IFT140: variants seen among roughly 807,000 people sequenced by gnomAD.
The protein encoded by IFT140 is intraflagellar transport 140, also known as intraflagellar transport protein 140 homolog.
In IFT140, 133 loss-of-function variants were observed where a neutral mutation model predicts 164.6. The ratio of observed to expected loss-of-function variants is 0.81; its 90% CI spans 0.70 to 0.93. IFT140 has a LOEUF of 0.93. Ranked by LOEUF, IFT140 falls within the 40% of genes least tolerant of loss-of-function variation. IFT140 has a pLI of 0.00. For synonymous variants in IFT140, 860 were observed against 817.3 expected (o/e 1.05, Z -0.89); for missense variants, 2,045 against 1,972.3 (o/e 1.04, Z -0.70).
intron 2 of IFT140, 103 bp downstream of exon 2, chr16:1,610,561 A>C (rs1223784874): frequency 6.6e-6 from 1 of 152,338 alleles, no homozygotes; most frequent in Non-Finnish European, 1.5e-5. Flanking sequence ...GTGGGAGGAG[A>C]CGGGAGGGTC....
chr16:1,558,726 G>A lies in IFT140; in HGVS notation c.2200-592C>T, dbSNP rs916177720. On this transcript the variant is annotated intron_variant, in intron 18 of 30. Transcript: ENST00000426508. ...CCTCCGTGGGGCAGGGGCTCTGCAC[G>A]CGCTCTCTGGGCTCTAGCCCTGCCC... Among the ~76,000 whole-genome samples, 6 of 152,342 alleles carry A rather than the reference G, an allele frequency of 3.9e-5. No homozygotes were observed. The East Asian group carries it at 7.7e-4, about 20-fold the overall frequency.
chr16:1,522,186 G>A (rs1170077458), intron 26 of IFT140, among the ~76,000 whole-genome samples: 2 of 151,278 alleles, frequency 1.3e-5, no homozygotes, highest in Non-Finnish European at 3.0e-5. Context: ...GTGAAACCTC[G>A]TCTCTACTAA....
chr16:1,592,910 G>C (rs1233483372), intron 4 of IFT140, among the ~76,000 whole-genome samples: 3 of 151,568 alleles, frequency 2.0e-5, no homozygotes, highest in African/African-American at 7.3e-5. Flanking sequence ...TGCCCTGGCA[G>C]AGTGACTGGT....
At chr16:1,530,123 C>T (rs965847018) in intron 19 of IFT140, among the ~76,000 whole-genome samples, 4 of 135,268 alleles carry the variant, frequency 3.0e-5, no homozygotes, top group Non-Finnish European at 4.6e-5. Flanking sequence ...AAAGACTTCA[C>T]GACGGGAATC....
intron 26 of IFT140, among the ~76,000 whole-genome samples, chr16:1,522,785 C>G (rs2040561782): frequency 6.6e-6 from 1 of 152,142 alleles, no homozygotes; most frequent in South Asian, 2.1e-4. Context: ...TTGCAGTGAG[C>G]CGAGATTGCG....
At chr16:1,611,777 G>A (rs1261720198) in intron 1 of IFT140, among the ~76,000 whole-genome samples, 191 bp downstream of exon 1, 1 of 148,930 alleles carries the variant, frequency 6.7e-6, no homozygotes, top group African/African-American at 2.5e-5. Context: ...TTGCGCCACT[G>A]CACTCCAGCC....
intron 10 of IFT140, among the ~76,000 whole-genome samples, chr16:1,585,560 T>C (rs1369267876): frequency 1.3e-5 from 2 of 152,162 alleles, no homozygotes; most frequent in Non-Finnish European, 2.9e-5. Flanking sequence ...AGTAAAGCTC[T>C]TTTTCATACA....
At chr16:1,522,579 G>A (rs1391760343) in intron 26 of IFT140, among the ~76,000 whole-genome samples, 4 of 151,878 alleles carry the variant, frequency 2.6e-5, no homozygotes, top group East Asian at 1.9e-4. Flanking sequence ...GGTGGCTCAC[G>A]CCTGTAATCC....
At chr16:1,534,978 G>A (rs2030918421) in intron 19 of IFT140, among the ~76,000 whole-genome samples, 1 of 152,172 alleles carries the variant, frequency 6.6e-6, no homozygotes, top group Admixed American at 6.5e-5. Flanking sequence ...GCTGAGGCGG[G>A]AGGACTGCTT....
chr16:1,576,078 A>G (rs12443870), intron 13 of IFT140, among the ~76,000 whole-genome samples: 28,586 of 151,672 alleles, frequency 0.19, 3,453 homozygotes, highest in African/African-American at 0.33. Flanking sequence ...CTGAGGTCAG[A>G]AGTTTGAGAC....
Position 1,571,182 on chromosome 16 carries a change from C to T in IFT140, c.1652+225G>A, listed in dbSNP as rs151038826. 6.0e-4 allele frequency among the ~76,000 whole-genome samples: 91 copies of T among 152,326 alleles called. 1 individual carries two copies. Among genetic ancestry groups the T allele is most frequent in the South Asian group, 2.3e-3 (11 of 4,828 alleles). On this transcript the variant is annotated intron_variant, in intron 14 of 30. Coordinates refer to ENST00000426508, the MANE Select transcript of IFT140 (RefSeq NM_014714.4). ...AGAAGCTTCCCCACCCTCACCACTCCCTGTGCTTCAACTATTCAAGCCTCC... is the reference window on the plus strand; with the variant it reads ...AGAAGCTTCCCCACCCTCACCACTCTCTGTGCTTCAACTATTCAAGCCTCC...
intron 19 of IFT140, chr16:1,534,181 T>C (rs1248514164): frequency 2.0e-6 from 3 of 1,526,270 alleles, no homozygotes; most frequent in African/African-American, 1.4e-5. Flanking sequence ...GGTGATGTCC[T>C]CTAGCCACCC....
intron 3 of IFT140, among the ~76,000 whole-genome samples, chr16:1,604,134 A>G (rs991200869): frequency 1.3e-5 from 2 of 152,246 alleles, no homozygotes; most frequent in Non-Finnish European, 2.9e-5. Context: ...ATCTACCCAA[A>G]AAAATGGGCA....
chr16:1,585,992 C>T (rs1023750642), intron 10 of IFT140, 138 bp downstream of exon 10: 23 of 968,670 alleles, frequency 2.4e-5, no homozygotes, highest in Non-Finnish European at 3.1e-5. Flanking sequence ...AGGATGGTCT[C>T]GATCTCCTGA....
intron 22 of IFT140, 78 bp from the exon 23 acceptor site, chr16:1,524,994 C>A: frequency 6.5e-7 from 1 of 1,526,918 alleles, no homozygotes; most frequent in Non-Finnish European, 8.8e-7. Context: ...CGCCCCTGTG[C>A]CACCCTTAGA....
intron 6 of IFT140, among the ~76,000 whole-genome samples, chr16:1,590,885 C>T (rs1440327866): frequency 1.3e-5 from 2 of 152,158 alleles, no homozygotes; most frequent in Non-Finnish European, 2.9e-5. Flanking sequence ...CCCAACCAGG[C>T]CTCCCAGGTG....
chr16:1,568,275 C>T lies in IFT140; in HGVS notation c.1712G>A (p.Gly571Asp), dbSNP rs749412369. ...SLAELVPGVG[G>D]IASLRCSSSG... ...GCTGCTGCACCGCAGAGAAGCGATGCCCCCCACCCCAGGGACCAGCTCCGC... is the reference window on the plus strand; with the variant it reads ...GCTGCTGCACCGCAGAGAAGCGATGTCCCCCACCCCAGGGACCAGCTCCGC... Residue 571 changes from glycine (G) to aspartate (D), a missense_variant, in exon 15 of 31, where the codon GGC becomes GAC. Transcript: ENST00000426508. 4 of 1,613,078 alleles carry T rather than the reference C, an allele frequency of 2.5e-6. No individual in the cohort carries two copies. The Admixed American group carries it at 5.0e-5, about 20-fold the overall frequency.
intron 19 of IFT140, among the ~76,000 whole-genome samples, chr16:1,547,199 C>T (rs2032246601): frequency 6.6e-6 from 1 of 152,148 alleles, no homozygotes; most frequent in Non-Finnish European, 1.5e-5. Context: ...TGGCATATAA[C>T]CCAAAATTCC....
chr16:1,520,545 G>GAGAT, intron 27 of IFT140, 57 bp downstream of exon 27: 1 of 1,494,320 alleles, frequency 6.7e-7, no homozygotes, highest in East Asian at 2.5e-5. Context: ...GCGTGCAGGG[G>GAGAT]GCCCGCAGCC....
Sources: allele counts gnomAD v4.1 joint callset (sites outside exome capture counted in the v4.1 genomes callset), GRCh38; gene constraint gnomAD v4.1.1; transcripts MANE v1.5; gene names NCBI Gene and HGNC (gene_info 2026-07-23, HGNC 2026-07-21).